Variants in RSPH14 observed in about 807,000 individuals in gnomAD.
RSPH14 encodes the protein radial spoke head 14 homolog.
A neutral mutation model predicts 26.7 loss-of-function variants in RSPH14; 20 were observed. That is an observed-to-expected ratio of 0.75 (90% CI 0.53 to 1.09). The LOEUF (loss-of-function observed/expected upper bound fraction) is 1.09. RSPH14 is among the 50% of genes least tolerant of loss of function. RSPH14 has a pLI of 0.00. For synonymous variants in RSPH14, 177 were observed against 189.3 expected (o/e 0.93, Z 0.53); for missense variants, 449 against 457.2 (o/e 0.98, Z 0.16).
intron 4 of RSPH14, among the ~76,000 whole-genome samples, chr22:23,072,735 G>T (rs941542013): frequency 6.6e-6 from 1 of 152,230 alleles, no homozygotes; most frequent in Non-Finnish European, 1.5e-5. Context: ...GACCTGGCAT[G>T]TGACTGTGGG....
intron 4 of RSPH14, among the ~76,000 whole-genome samples, chr22:23,111,898 A>G (rs1433966862): frequency 6.6e-6 from 1 of 152,110 alleles, no homozygotes; most frequent in Non-Finnish European, 1.5e-5. Context: ...TTATTTCCAA[A>G]CCAGAGGTGT....
the RSPH14 span, chr22:23,163,762 A>G: frequency 6.6e-6 from 1 of 152,186 alleles, no homozygotes; most frequent in Admixed American, 6.5e-5. Context: ...TTGCCTGCAC[A>G]GCTAGTGTTG....
chr22:23,178,575 C>T, the RSPH14 span, among the ~76,000 whole-genome samples: 24 of 152,298 alleles, frequency 1.6e-4, no homozygotes, highest in Middle Eastern at 3.4e-3. Flanking sequence ...TGAGAAGGTC[C>T]GCTGGGTCCA....
intron 4 of RSPH14, among the ~76,000 whole-genome samples, chr22:23,088,920 C>T (rs1227513045): frequency 6.6e-6 from 1 of 152,252 alleles, no homozygotes; most frequent in Non-Finnish European, 1.5e-5. Context: ...GGGCCTCAGG[C>T]ATGACTGCCT....
the RSPH14 span, among the ~76,000 whole-genome samples, chr22:23,159,750 C>T: frequency 6.6e-6 from 1 of 152,196 alleles, no homozygotes; most frequent in Non-Finnish European, 1.5e-5. Context: ...GACAGGGGCT[C>T]CCATCCCTTC....
At chr22:23,095,870 G>A (rs1569172679) in intron 4 of RSPH14, 2 of 1,613,762 alleles carry the variant, frequency 1.2e-6, no homozygotes, top group African/African-American at 1.3e-5. Flanking sequence ...CATCCACAGC[G>A]GCGGCTTCAA....
chr22:23,107,693 G>A (rs959436382), intron 4 of RSPH14, among the ~76,000 whole-genome samples: 3 of 152,178 alleles, frequency 2.0e-5, no homozygotes, highest in African/African-American at 2.4e-5. Context: ...CAGTGGAGTC[G>A]GGTCCTGGGC....
chr22:23,069,560 A>C (rs2068287812), intron 4 of RSPH14, among the ~76,000 whole-genome samples: 1 of 152,138 alleles, frequency 6.6e-6, no homozygotes, highest in Admixed American at 6.5e-5. Context: ...AAAAGCGCCA[A>C]TCAGTGGCCT....
chr22:23,165,293 C>T, the RSPH14 span, among the ~76,000 whole-genome samples: 1 of 152,240 alleles, frequency 6.6e-6, no homozygotes, highest in Non-Finnish European at 1.5e-5. Flanking sequence ...ACGAAACTTA[C>T]ACCTGCCTGG....
At chr22:23,101,603 GA>G (rs1490657284) in intron 4 of RSPH14, among the ~76,000 whole-genome samples, 1 of 152,242 alleles carries the variant, frequency 6.6e-6, no homozygotes, top group Admixed American at 6.5e-5. Context: ...CTCCAAGCCA[GA>G]AGGCCTGCCG....
At chr22:23,143,292 A>AAAAT (rs57037255), upstream of RSPH14, among the ~76,000 whole-genome samples, 8,437 of 141,846 alleles carry the variant, frequency 0.059, 310 homozygotes, top group Admixed American at 0.1. Context: ...CCTCAACTCT[A>AAAAT]AAATAAATAA....
the RSPH14 span, chr22:23,153,710 T>TTG: frequency 1.1e-6 from 1 of 915,422 alleles, no homozygotes; most frequent in African/African-American, 1.9e-5. Context: ...TTTTTTTTTT[T>TTG]TTTTGAGACA....
chr22:23,141,068 G>A (rs5996470), intron 1 of RSPH14, among the ~76,000 whole-genome samples: 72,871 of 151,986 alleles, frequency 0.48, 18,043 homozygotes, highest in Middle Eastern at 0.56. Context: ...AGTGGCTCAC[G>A]CCTGTAATCC....
intron 4 of RSPH14, among the ~76,000 whole-genome samples, chr22:23,082,810 A>G (rs2146277763): frequency 6.6e-6 from 1 of 152,214 alleles, no homozygotes; most frequent in African/African-American, 2.4e-5. Context: ...GACATGGGGG[A>G]TGGGCCTGAG....
At chr22:23,166,671 C>G in the RSPH14 span, among the ~76,000 whole-genome samples, 1 of 152,142 alleles carries the variant, frequency 6.6e-6, no homozygotes, top group Non-Finnish European at 1.5e-5. Context: ...ACTAAGTAAG[C>G]CTTGGAATGA....
chr22:23,157,337 G>A, the RSPH14 span, among the ~76,000 whole-genome samples: 90 of 151,282 alleles, frequency 5.9e-4, no homozygotes, highest in African/African-American at 2.0e-3. Flanking sequence ...TGCAAGCTCC[G>A]CCTCCCGCAT....
chr22:23,148,757 T>C (rs532542469), upstream of RSPH14, among the ~76,000 whole-genome samples: 3 of 152,302 alleles, frequency 2.0e-5, no homozygotes, highest in African/African-American at 7.2e-5. Context: ...CCTGCAGCCT[T>C]CATTATCACA....
At chr22:23,128,651 G>A (rs1383873520) in intron 4 of RSPH14, among the ~76,000 whole-genome samples, 3 of 152,196 alleles carry the variant, frequency 2.0e-5, no homozygotes, top group Non-Finnish European at 4.4e-5. Context: ...GACTTGGCCA[G>A]AGCAAGGATT....
the RSPH14 span, among the ~76,000 whole-genome samples, chr22:23,171,619 G>C: frequency 6.6e-6 from 1 of 152,080 alleles, no homozygotes; most frequent in Non-Finnish European, 1.5e-5. Flanking sequence ...AGTGGGGGTG[G>C]ATCACCTGAG....
Sources: allele counts gnomAD v4.1 joint callset (sites outside exome capture counted in the v4.1 genomes callset), GRCh38; gene constraint gnomAD v4.1.1; transcripts MANE v1.5; gene names NCBI Gene and HGNC (gene_info 2026-07-23, HGNC 2026-07-21).